Variants in RNF150 observed in about 807,000 individuals in gnomAD.
The protein encoded by RNF150 is ring finger protein 150.
A neutral mutation model predicts 39.3 loss-of-function variants in RNF150; 24 were observed. The observed-to-expected ratio is 0.61, with a 90% confidence interval of 0.44 to 0.86. The LOEUF (loss-of-function observed/expected upper bound fraction) is 0.86, where lower values mean the gene tolerates loss of function less well. Ranked by LOEUF, RNF150 falls within the 40% of genes least tolerant of loss-of-function variation. The pLI is 0.00. For synonymous variants in RNF150, 255 were observed against 227.3 expected (o/e 1.12, Z -1.10); for missense variants, 502 against 587.8 (o/e 0.85, Z 1.51).
intron 1 of RNF150, among the ~76,000 whole-genome samples, chr4:141,107,700 A>C (rs957776214): frequency 6.6e-6 from 1 of 152,202 alleles, no homozygotes; most frequent in Admixed American, 6.5e-5. Context: ...CTCTGTAAAA[A>C]AGGGGATTTT....
chr4:140,932,288 T>C (rs1035824368), intron 4 of RNF150, among the ~76,000 whole-genome samples: 2 of 152,252 alleles, frequency 1.3e-5, no homozygotes, highest in African/African-American at 4.8e-5. Flanking sequence ...TAATGAACAC[T>C]GACATTAATG....
intron 3 of RNF150, among the ~76,000 whole-genome samples, chr4:140,948,300 G>GT (rs1175840596): frequency 3.9e-5 from 6 of 152,058 alleles, no homozygotes; most frequent in African/African-American, 1.2e-4. Flanking sequence ...GCCCAATGGC[G>GT]TTTTTATATA....
intron 1 of RNF150, among the ~76,000 whole-genome samples, chr4:141,144,267 T>A (rs1727166518): frequency 6.6e-6 from 1 of 152,218 alleles, no homozygotes; most frequent in South Asian, 2.1e-4. Context: ...ATCTGTAATT[T>A]GATAAATTTG....
intron 1 of RNF150, among the ~76,000 whole-genome samples, chr4:141,085,679 G>A (rs1000660406): frequency 1.3e-5 from 2 of 152,162 alleles, no homozygotes; most frequent in Non-Finnish European, 2.9e-5. Context: ...AAAATTGGTT[G>A]TTTTATGGCA....
chr4:141,003,916 C>T (rs894877727), intron 1 of RNF150, among the ~76,000 whole-genome samples: 4 of 152,148 alleles, frequency 2.6e-5, no homozygotes, highest in East Asian at 1.9e-4. Context: ...GAATGGCCTG[C>T]GGTTAGGAGA....
At chr4:140,969,427 G>A (rs145975419) in intron 1 of RNF150, among the ~76,000 whole-genome samples, 7 of 152,000 alleles carry the variant, frequency 4.6e-5, no homozygotes, top group African/African-American at 1.2e-4. Flanking sequence ...ATTTTGACGC[G>A]CCTTTTCTTT....
At chr4:141,097,523 C>A (rs1560737181) in intron 1 of RNF150, among the ~76,000 whole-genome samples, 4 of 149,308 alleles carry the variant, frequency 2.7e-5, no homozygotes, top group Admixed American at 2.0e-4. Flanking sequence ...AATAATACAT[C>A]AAATAATGGT....
intron 1 of RNF150, among the ~76,000 whole-genome samples, chr4:141,207,862 T>C (rs982218681): frequency 6.6e-6 from 1 of 152,208 alleles, no homozygotes; most frequent in Non-Finnish European, 1.5e-5. Flanking sequence ...ACGTTTTACT[T>C]TCTTTTTATC....
intron 1 of RNF150, among the ~76,000 whole-genome samples, chr4:141,029,193 A>T (rs982012323): frequency 3.3e-5 from 5 of 152,210 alleles, no homozygotes; most frequent in Admixed American, 3.3e-4. Context: ...TTTCCTAGAA[A>T]ATAAGCAAGT....
At chr4:141,051,347 A>T (rs2367345) in intron 1 of RNF150, among the ~76,000 whole-genome samples, 2 of 152,068 alleles carry the variant, frequency 1.3e-5, no homozygotes, top group Non-Finnish European at 2.9e-5. Context: ...TTACTTATGC[A>T]AATTTTTGCA....
chr4:140,878,253 C>A (rs1018242235), intron 6 of RNF150, among the ~76,000 whole-genome samples: 1 of 121,122 alleles, frequency 8.3e-6, no homozygotes, highest in Admixed American at 1.0e-4. Context: ...CTCACTCAAC[C>A]TTTGCCTCCC....
At chr4:141,186,234 T>C (rs927839879) in intron 1 of RNF150, among the ~76,000 whole-genome samples, 1 of 152,228 alleles carries the variant, frequency 6.6e-6, no homozygotes, top group African/African-American at 2.4e-5. Context: ...ATTCAAGGAC[T>C]CGACTTCTTC....
chr4:140,902,657 A>G (rs995287787), intron 6 of RNF150, among the ~76,000 whole-genome samples: 1 of 152,112 alleles, frequency 6.6e-6, no homozygotes, highest in African/African-American at 2.4e-5. Flanking sequence ...TATCATAGCT[A>G]TTATTGTTAA....
At chr4:140,967,279 CT>C (rs950085133) in intron 2 of RNF150, among the ~76,000 whole-genome samples, 22 of 151,992 alleles carry the variant, frequency 1.4e-4, no homozygotes, top group African/African-American at 5.3e-4. Context: ...TTTTTATCTC[CT>C]TTTTTTTCTT....
chr4:140,875,759 G>A (rs4309916), intron 6 of RNF150, among the ~76,000 whole-genome samples: 1 of 151,956 alleles, frequency 6.6e-6, no homozygotes, highest in East Asian at 1.9e-4. Flanking sequence ...CATTCCACTA[G>A]CTATGTGTTC....
chr4:140,917,195 T>C (rs6838120), intron 5 of RNF150, among the ~76,000 whole-genome samples: 83,872 of 151,996 alleles, frequency 0.55, 23,632 homozygotes, highest in East Asian at 0.89. Context: ...CATAACAATA[T>C]TAACCTTAAA....
chr4:140,862,165 T>G lies in RNF150; in HGVS notation c.*6096A>C, dbSNP rs998129105. Reference sequence around the variant, plus strand: ...CACAGATATTCTGCCAAGCAATGACTTTGGGTAATTGAGATTAAGCGACCT... The same window carrying G: ...CACAGATATTCTGCCAAGCAATGACGTTGGGTAATTGAGATTAAGCGACCT... On this transcript the variant is annotated 3_prime_UTR_variant, in exon 7 of 7. Coordinates refer to ENST00000515673, the MANE Select transcript of RNF150 (RefSeq NM_020724.2). The G allele has an allele frequency of 1.3e-5, 2 of 152,156 alleles. No homozygotes were observed. The highest frequency in any genetic ancestry group is 6.5e-5 in the Admixed American group (1 of 15,276). The allele number at this position is 152,156 out of a possible 1,614,324, so 9.4% of individuals were successfully genotyped here.
chr4:141,145,960 A>C (rs573832186), intron 1 of RNF150, among the ~76,000 whole-genome samples: 1 of 152,274 alleles, frequency 6.6e-6, no homozygotes, highest in South Asian at 2.1e-4. Context: ...GTCTGGAGTC[A>C]AGCATGTTCA....
At chr4:141,111,642 G>A (rs571513927) in intron 1 of RNF150, among the ~76,000 whole-genome samples, 5 of 152,206 alleles carry the variant, frequency 3.3e-5, no homozygotes, top group Admixed American at 6.5e-5. Flanking sequence ...ATAGACAAAC[G>A]AATTCCTGAG....
Sources: gnomAD v4.1 joint callset for allele counts (sites outside exome capture counted in the v4.1 genomes callset) on GRCh38, gnomAD v4.1.1 for gene constraint, MANE v1.5 for transcripts, NCBI Gene and HGNC (gene_info 2026-07-23, HGNC 2026-07-21) for gene names.